The following ASIC2 variants were observed in gnomAD, a reference collection of about 807,000 sequenced individuals.
ASIC2 encodes acid sensing ion channel subunit 2.
A neutral mutation model predicts 57.3 loss-of-function variants in ASIC2; 25 were observed. That is an observed-to-expected ratio of 0.44 (90% confidence interval 0.32 to 0.61). The LOEUF (loss-of-function observed/expected upper bound fraction) is 0.61, where lower values mean the gene tolerates loss of function less well. Ranked by LOEUF, ASIC2 falls within the 20% of genes least tolerant of loss-of-function variation. ASIC2 has a pLI of 0.06. For missense variants in ASIC2, 641 were observed against 738.1 expected (o/e 0.87, Z 1.52); for synonymous variants, 319 against 307.5 (o/e 1.04, Z -0.39).
At chr17:33,298,712 C>A (rs1171965194) in intron 1 of ASIC2, among the ~76,000 whole-genome samples, 1 of 152,166 alleles carries the variant, frequency 6.6e-6, no homozygotes, top group Non-Finnish European at 1.5e-5. Flanking sequence ...ACAGTCCCAC[C>A]AACAGTGTAA....
At chr17:33,598,525 T>C (rs921258791) in intron 1 of ASIC2, among the ~76,000 whole-genome samples, 14 of 152,126 alleles carry the variant, frequency 9.2e-5, no homozygotes, top group African/African-American at 3.1e-4. Context: ...GTTTCCTGGG[T>C]GAAGACTGTA....
At chr17:33,098,295 C>T (rs1213682327) in intron 2 of ASIC2, among the ~76,000 whole-genome samples, 1 of 152,180 alleles carries the variant, frequency 6.6e-6, no homozygotes, top group Non-Finnish European at 1.5e-5. Context: ...ACAAAGAATC[C>T]ACAAATTGCT....
At chr17:33,038,910 A>G (rs934212102) in intron 3 of ASIC2, among the ~76,000 whole-genome samples, 5 of 152,092 alleles carry the variant, frequency 3.3e-5, no homozygotes, top group Non-Finnish European at 7.4e-5. Context: ...TCGCAGCCCT[A>G]AGGGGAGTCC....
intron 1 of ASIC2, among the ~76,000 whole-genome samples, chr17:33,218,412 C>T (rs752120224): frequency 4.6e-5 from 7 of 152,178 alleles, no homozygotes; most frequent in Non-Finnish European, 1.0e-4. Flanking sequence ...ATTCTCACAT[C>T]GAGCCCAGTG....
intron 1 of ASIC2, among the ~76,000 whole-genome samples, chr17:34,138,937 C>G (rs1483280365): frequency 1.3e-5 from 2 of 152,216 alleles, no homozygotes; most frequent in Admixed American, 6.5e-5. Flanking sequence ...ATCTTGCTTA[C>G]ATAGGAGGAA....
chr17:33,245,827 G>A (rs939512803), intron 1 of ASIC2, among the ~76,000 whole-genome samples: 2 of 152,214 alleles, frequency 1.3e-5, no homozygotes, highest in Admixed American at 1.3e-4. Flanking sequence ...AGAGTGTGCA[G>A]GCCCCATAAG....
chr17:33,449,584 G>A (rs528242879), intron 1 of ASIC2, among the ~76,000 whole-genome samples: 4 of 152,030 alleles, frequency 2.6e-5, no homozygotes, highest in Non-Finnish European at 4.4e-5. Flanking sequence ...GAAATATAGT[G>A]CTCCATGTGA....
chr17:33,170,886 C>A (rs1905491560), intron 1 of ASIC2, among the ~76,000 whole-genome samples: 2 of 152,212 alleles, frequency 1.3e-5, no homozygotes, highest in African/African-American at 4.8e-5. Flanking sequence ...GTTTGCACAG[C>A]CCTGATCAAT....
At chr17:33,159,178 T>C (rs1222368294) in intron 1 of ASIC2, among the ~76,000 whole-genome samples, 3 of 152,154 alleles carry the variant, frequency 2.0e-5, no homozygotes, top group Non-Finnish European at 2.9e-5. Context: ...TTGTTGTGGG[T>C]TGTTTGCTTA....
chr17:33,334,289 C>T (rs891095559), intron 1 of ASIC2, among the ~76,000 whole-genome samples: 16 of 152,264 alleles, frequency 1.1e-4, no homozygotes, highest in South Asian at 8.3e-4. Flanking sequence ...GATAATGAAA[C>T]TGAGGCTCAG....
chr17:34,044,715 T>C (rs1597991221), intron 1 of ASIC2, among the ~76,000 whole-genome samples: 1 of 152,064 alleles, frequency 6.6e-6, no homozygotes. Context: ...TTGTCTGGAG[T>C]TGAAGGAACG....
At position 33,264,673 on chromosome 17, in the gene ASIC2, T is replaced by G. The variant is rs769920491; in HGVS notation, c.708+26735A>C. Among the ~76,000 whole-genome samples, 3 of 152,166 alleles carry G rather than the reference T, an allele frequency of 2.0e-5. No individual in the cohort carries two copies. The East Asian group carries it at 5.8e-4, about 29-fold the overall frequency. On this transcript the variant is annotated intron_variant, in intron 1 of 9. Coordinates refer to ENST00000225823, the MANE Select transcript of ASIC2 (RefSeq NM_183377.2). ...AAGAGCCAAGCGATCAGTGCTTTGG[T>G]CCCCCTGTTTCCACCTGAAAGCTCT...
At chr17:33,096,515 A>G (rs2092180332) in intron 2 of ASIC2, among the ~76,000 whole-genome samples, 1 of 152,200 alleles carries the variant, frequency 6.6e-6, no homozygotes, top group Admixed American at 6.5e-5. Context: ...TTATGGCATC[A>G]TTTCTCCAGA....
At chr17:33,871,694 G>C (rs1914414379) in intron 1 of ASIC2, among the ~76,000 whole-genome samples, 1 of 152,106 alleles carries the variant, frequency 6.6e-6, no homozygotes, top group Admixed American at 6.5e-5. Flanking sequence ...CCTCAGAAGG[G>C]GACTTTGCCA....
rs757881490 is a variant in ASIC2, at chr17:33,464,670, CCTCT to C, written c.556-352607_556-352604del. On this transcript the variant is annotated intron_variant, in intron 1 of 9. Transcript: ENST00000359872. ...TTCCTTTCTTCCTTCTCTCTCTCTC[CCTCT>C]CTCTCTCTCTCTCTATATATATATA... Among the ~76,000 whole-genome samples the C allele has an allele frequency of 4.6e-4, 56 of 122,782 alleles. 1 individual carries two copies. Among genetic ancestry groups the C allele is most frequent in the Middle Eastern group, 4.0e-3 (1 of 250 alleles). The allele number at this position is 122,782 out of a possible 152,430, so 80.5% of individuals were successfully genotyped here. A position where few individuals can be genotyped will look rare whatever the true frequency, so the allele number is the denominator to read the frequency against.
At chr17:33,237,623 C>A (rs912363539) in intron 1 of ASIC2, among the ~76,000 whole-genome samples, 1 of 152,152 alleles carries the variant, frequency 6.6e-6, no homozygotes, top group African/African-American at 2.4e-5. Context: ...TGAGCCACCG[C>A]GCCCGGCCTT....
At chr17:33,563,839 C>G (rs1916149447) in intron 1 of ASIC2, among the ~76,000 whole-genome samples, 1 of 152,218 alleles carries the variant, frequency 6.6e-6, no homozygotes, top group Non-Finnish European at 1.5e-5. Context: ...AGCCAGGTTT[C>G]TCCTGGCCAC....
intron 1 of ASIC2, among the ~76,000 whole-genome samples, chr17:33,399,031 T>C (rs1157147892): frequency 6.6e-6 from 1 of 152,164 alleles, no homozygotes; most frequent in Non-Finnish European, 1.5e-5. Flanking sequence ...GTGGCCATTT[T>C]CTACTCTGTA....
At chr17:34,025,412 G>A (rs1033861196) in intron 1 of ASIC2, among the ~76,000 whole-genome samples, 3 of 152,162 alleles carry the variant, frequency 2.0e-5, no homozygotes, top group Non-Finnish European at 2.9e-5. Context: ...GGACTGCTCA[G>A]TGTACACACT....
Sources: allele counts gnomAD v4.1 joint callset (sites outside exome capture counted in the v4.1 genomes callset), GRCh38; gene constraint gnomAD v4.1.1; transcripts MANE v1.5; gene names NCBI Gene and HGNC (gene_info 2026-07-23, HGNC 2026-07-21).